The following PLA2G4C variants were observed in gnomAD, a reference collection of about 807,000 sequenced individuals.
PLA2G4C encodes phospholipase A2 group IVC.
PLA2G4C carries 64 observed loss-of-function variants against 73.8 expected under a neutral mutation model. The observed-to-expected ratio is 0.87, with a 90% CI of 0.71 to 1.07. The LOEUF (loss-of-function observed/expected upper bound fraction) is 1.07, where lower values mean the gene tolerates loss of function less well. PLA2G4C is among the 50% of genes least tolerant of loss of function. The pLI is 0.00. For missense variants in PLA2G4C, 622 were observed against 665.4 expected (o/e 0.93, Z 0.72); for synonymous variants, 254 against 252.1 (o/e 1.01, Z -0.07).
At chr19:48,053,720 C>A (rs1356518632) in intron 15 of PLA2G4C, among the ~76,000 whole-genome samples, 4 of 152,146 alleles carry the variant, frequency 2.6e-5, no homozygotes, top group African/African-American at 4.8e-5. Context: ...CTCCTGGAAC[C>A]ATGGCTGATG....
At position 48,048,243 on chromosome 19, in the gene PLA2G4C, G is replaced by A. The variant is rs567551225; in HGVS notation, c.*100C>T. 4 of 819,226 alleles carry A rather than the reference G, an allele frequency of 4.9e-6. No homozygotes were observed. The African/African-American group carries it at 5.3e-5, about 11-fold the overall frequency. 50.7% of individuals were successfully genotyped at this position (819,226 alleles called of 1,614,324 possible). ...ACAGCCAAGGTGAACTCAAGGCCAT[G>A]AAGCGTGTGGCTGAAGGGAGTGAAG... On this transcript the variant is annotated 3_prime_UTR_variant, in exon 17 of 17. Coordinates refer to ENST00000599921, the MANE Select transcript of PLA2G4C (RefSeq NM_003706.3).
At chr19:48,105,047 C>T (rs1206039051) in intron 3 of PLA2G4C, among the ~76,000 whole-genome samples, 13 of 124,840 alleles carry the variant, frequency 1.0e-4, no homozygotes, top group Non-Finnish European at 1.7e-4. Flanking sequence ...CATGCCACTG[C>T]ATTCCAGCCT....
intron 14 of PLA2G4C, among the ~76,000 whole-genome samples, chr19:48,059,852 T>C (rs1182827826): frequency 3.4e-5 from 5 of 145,042 alleles, no homozygotes; most frequent in African/African-American, 1.3e-4. Flanking sequence ...CACTGCAACC[T>C]CCGCCTCCTG....
intron 14 of PLA2G4C, among the ~76,000 whole-genome samples, chr19:48,057,480 C>CTGTTTTTTTT (rs1967992674): frequency 3.6e-5 from 1 of 28,084 alleles, no homozygotes; most frequent in Non-Finnish European, 6.6e-5. Flanking sequence ...TCTTCTTCTT[C>CTGTTTTTTTT]TTCTTTTTTT....
intron 7 of PLA2G4C, among the ~76,000 whole-genome samples, chr19:48,091,883 CAAAAAAAAAAA>C (rs35118449): frequency 2.8e-4 from 6 of 21,090 alleles, no homozygotes; most frequent in Non-Finnish European, 5.1e-4. Flanking sequence ...GACTCCATCT[CAAAAAAAAAAA>C]AAAAAAAAAA....
chr19:48,084,040 T>TTGTGTGTGTGTGTGTGTGTGTG (rs71181645), intron 10 of PLA2G4C, among the ~76,000 whole-genome samples: 7 of 139,226 alleles, frequency 5.0e-5, no homozygotes, highest in South Asian at 2.4e-4. Flanking sequence ...AATGCCAATT[T>TTGTGTGTGTGTGTGTGTGTGTG]TGTGTGTGTG....
intron 13 of PLA2G4C, among the ~76,000 whole-genome samples, chr19:48,065,590 AAAATAAAT>A (rs907113389): frequency 1.2e-4 from 18 of 151,874 alleles, no homozygotes; most frequent in Non-Finnish European, 2.6e-4. Flanking sequence ...ACTCCATCGC[AAAATAAAT>A]AAATAAATAA....
intron 13 of PLA2G4C, among the ~76,000 whole-genome samples, chr19:48,067,173 GTTT>G (rs71181638): frequency 6.9e-6 from 1 of 144,944 alleles, no homozygotes; most frequent in African/African-American, 2.5e-5. Flanking sequence ...AATGTGTGTT[GTTT>G]TTTTTTTTTT....
At chr19:48,052,386 A>G (rs947563163) in intron 16 of PLA2G4C, 1 of 152,190 alleles carries the variant, frequency 6.6e-6, no homozygotes, top group Non-Finnish European at 1.5e-5. Context: ...CGGAGTTCTC[A>G]TGAAATCCGG....
chr19:48,061,530 A>G (rs1054195709), intron 14 of PLA2G4C: 4 of 156,456 alleles, frequency 2.6e-5, no homozygotes, highest in African/African-American at 9.6e-5. Flanking sequence ...CCTAGTGGCC[A>G]CTGGGAAGGT....
At chr19:48,062,185 C>T in intron 13 of PLA2G4C, 33 bp from the exon 14 acceptor site, 2 of 1,507,904 alleles carry the variant, frequency 1.3e-6, no homozygotes, top group South Asian at 2.6e-5. Context: ...GGATCAGCTG[C>T]TTCTGGGGAC....
chr19:48,109,799 G>A (rs1433709412), intron 1 of PLA2G4C, among the ~76,000 whole-genome samples: 5 of 151,932 alleles, frequency 3.3e-5, no homozygotes, highest in Admixed American at 2.6e-4. Context: ...ACAGGCGCCC[G>A]CCACCACGCC....
intron 10 of PLA2G4C, among the ~76,000 whole-genome samples, chr19:48,079,659 A>G (rs73051934): frequency 0.011 from 1,715 of 152,330 alleles, 13 homozygotes; most frequent in Middle Eastern, 0.02. Context: ...CCAAAAGCAA[A>G]TGCAACAAAA....
chr19:48,093,790 G>C (rs930986516), intron 7 of PLA2G4C, among the ~76,000 whole-genome samples: 1 of 152,194 alleles, frequency 6.6e-6, no homozygotes, highest in African/African-American at 2.4e-5. Context: ...GAGAGACCTG[G>C]TGGGAGGTAA....
intron 9 of PLA2G4C, among the ~76,000 whole-genome samples, chr19:48,088,366 G>A (rs534628905): frequency 3.3e-5 from 4 of 122,518 alleles, no homozygotes; most frequent in South Asian, 5.2e-4. Context: ...ATCCTTAAGC[G>A]GAAAAAAGAA....
At position 48,074,489 on chromosome 19, in the gene PLA2G4C, G is replaced by A. The variant is rs183829566; in HGVS notation, c.1006+278C>T. On this transcript the variant is annotated intron_variant, in intron 12 of 16. Transcript: ENST00000599921. ...TAACAGAATGATTTACATTCCTTTGGGCATATACCCAGTAATGGGATTGCT... is the reference window on the plus strand; with the variant it reads ...TAACAGAATGATTTACATTCCTTTGAGCATATACCCAGTAATGGGATTGCT... The A allele has an allele frequency of 7.0e-5, 32 of 454,558 alleles. No homozygotes were observed. In the East Asian group the frequency reaches 1.4e-3, roughly 20 times the overall value. The allele number at this position is 454,558 out of a possible 1,614,324, so 28.2% of individuals were successfully genotyped here.
chr19:48,079,132 T>C (rs1232547750), intron 10 of PLA2G4C, among the ~76,000 whole-genome samples: 1 of 152,094 alleles, frequency 6.6e-6, no homozygotes, highest in Non-Finnish European at 1.5e-5. Context: ...CCTCCCAAAG[T>C]GCTGGGATTA....
chr19:48,101,639 A>G (rs2031924271), intron 4 of PLA2G4C, among the ~76,000 whole-genome samples: 1 of 151,638 alleles, frequency 6.6e-6, no homozygotes, highest in South Asian at 2.1e-4. Flanking sequence ...TATGTTTGGA[A>G]CAAGCTGGGT....
intron 7 of PLA2G4C, among the ~76,000 whole-genome samples, chr19:48,091,006 C>CAAA (rs61146922): frequency 7.3e-6 from 1 of 137,232 alleles, no homozygotes; most frequent in Non-Finnish European, 1.6e-5. Context: ...ACCCTGACTT[C>CAAA]AAAAAAAAAA....
Sources: gnomAD v4.1 joint callset for allele counts (sites outside exome capture counted in the v4.1 genomes callset) on GRCh38, gnomAD v4.1.1 for gene constraint, MANE v1.5 for transcripts, NCBI Gene and HGNC (gene_info 2026-07-23, HGNC 2026-07-21) for gene names.